The following RBFOX1 variants were observed in gnomAD, a reference collection of about 807,000 sequenced individuals.
RBFOX1 encodes the protein RNA binding protein fox-1 homolog 1.
A neutral mutation model predicts 57.7 loss-of-function variants in RBFOX1; 8 were observed. The ratio of observed to expected loss-of-function variants is 0.14; its 90% CI spans 0.08 to 0.25. RBFOX1 has a LOEUF of 0.25. Among genes scored for constraint, RBFOX1 ranks in the 10% least tolerant of loss-of-function variants. RBFOX1 has a pLI of 1.00. For synonymous variants in RBFOX1, 326 were observed against 222.4 expected (o/e 1.47, Z -4.15); for missense variants, 611 against 548.5 (o/e 1.11, Z -1.14).
At chr16:5,651,959 C>T (rs910357561) in intron 3 of RBFOX1, among the ~76,000 whole-genome samples, 3 of 152,026 alleles carry the variant, frequency 2.0e-5, no homozygotes, top group African/African-American at 7.2e-5. Flanking sequence ...ATGGAGAAAC[C>T]CCATTTCTAC....
At chr16:7,376,475 G>T (rs1325090658) in intron 4 of RBFOX1, among the ~76,000 whole-genome samples, 1 of 152,178 alleles carries the variant, frequency 6.6e-6, no homozygotes, top group African/African-American at 2.4e-5. Flanking sequence ...AAACATGCTG[G>T]GAGAAAGATT....
At chr16:6,797,765 T>C (rs984606940) in intron 3 of RBFOX1, among the ~76,000 whole-genome samples, 4 of 152,168 alleles carry the variant, frequency 2.6e-5, no homozygotes, top group African/African-American at 4.8e-5. Context: ...TACCTGGTTT[T>C]ATGATGTTTA....
rs1230940034 is a variant in RBFOX1, at chr16:6,193,363, T to C, written c.-126-123632T>C. Among the ~76,000 whole-genome samples the C allele has an allele frequency of 6.7e-5, 7 of 103,946 alleles. No homozygotes were observed. The South Asian group carries it at 2.3e-3, about 33-fold the overall frequency. The allele number at this position is 103,946 out of a possible 152,430, so 68.2% of individuals were successfully genotyped here. A position where few individuals can be genotyped will look rare whatever the true frequency, so the allele number is the denominator to read the frequency against. On this transcript the variant is annotated intron_variant, in intron 1 of 15. Coordinates refer to ENST00000550418, the MANE Select transcript of RBFOX1 (RefSeq NM_018723.4). ...TCTTTACATATATATACATTATATA[T>C]ATATATATATATACATTATATATAT... is the stretch of plus-strand genomic sequence containing the variant.
chr16:5,486,606 C>T (rs1336671808), intron 2 of RBFOX1, among the ~76,000 whole-genome samples: 1 of 152,160 alleles, frequency 6.6e-6, no homozygotes, highest in Non-Finnish European at 1.5e-5. Context: ...TGCACAGGGA[C>T]ATGCCAGAAC....
intron 3 of RBFOX1, among the ~76,000 whole-genome samples, chr16:5,818,686 G>C (rs1410856449): frequency 2.0e-5 from 3 of 152,228 alleles, no homozygotes; most frequent in Non-Finnish European, 4.4e-5. Flanking sequence ...AGAAAACAGA[G>C]AGTCTTGACC....
Position 7,276,085 on chromosome 16 carries a change from T to C in RBFOX1, c.27+223987T>C, listed in dbSNP as rs563304284. Among the ~76,000 whole-genome samples the C allele has an allele frequency of 1.2e-4, 18 of 152,354 alleles. No individual in the cohort carries two copies. The South Asian group carries it at 3.5e-3, about 30-fold the overall frequency. On this transcript the variant is annotated intron_variant, in intron 4 of 15. Coordinates refer to ENST00000550418, the MANE Select transcript of RBFOX1 (RefSeq NM_018723.4). ...AAAGAAACTCCTAAACATACCTCTTTGTCCATAAATGGAAACCAGACAAAT... is the reference window on the plus strand; with the variant it reads ...AAAGAAACTCCTAAACATACCTCTTCGTCCATAAATGGAAACCAGACAAAT...
intron 1 of RBFOX1, among the ~76,000 whole-genome samples, chr16:5,298,282 G>A (rs2063716712): frequency 6.6e-6 from 1 of 152,124 alleles, no homozygotes; most frequent in Non-Finnish European, 1.5e-5. Flanking sequence ...CAGTTGGTTT[G>A]TAAATTCTAT....
chr16:5,278,365 G>T (rs1168858723), intron 1 of RBFOX1, among the ~76,000 whole-genome samples: 4 of 152,100 alleles, frequency 2.6e-5, no homozygotes, highest in Non-Finnish European at 2.9e-5. Flanking sequence ...CATTTAATTA[G>T]ATCCCATTTG....
At chr16:6,783,235 T>G (rs1412562322) in intron 3 of RBFOX1, among the ~76,000 whole-genome samples, 1 of 151,976 alleles carries the variant, frequency 6.6e-6, no homozygotes, top group Admixed American at 6.6e-5. Context: ...TTACACTCAT[T>G]GTTATTATTG....
chr16:7,649,158 C>T (rs994144354), intron 11 of RBFOX1, among the ~76,000 whole-genome samples: 1 of 151,902 alleles, frequency 6.6e-6, no homozygotes, highest in African/African-American at 2.4e-5. Flanking sequence ...GTAGGATGTT[C>T]CCAAAAGTAA....
chr16:6,194,380 C>G (rs1240764423), intron 1 of RBFOX1, among the ~76,000 whole-genome samples: 1 of 152,138 alleles, frequency 6.6e-6, no homozygotes, highest in Non-Finnish European at 1.5e-5. Flanking sequence ...AAAATTTGGT[C>G]ATGCCTTTCC....
chr16:5,322,036 G>A (rs1299187167), intron 1 of RBFOX1, among the ~76,000 whole-genome samples: 2 of 152,276 alleles, frequency 1.3e-5, no homozygotes, highest in Non-Finnish European at 2.9e-5. Flanking sequence ...AGATGAAGAA[G>A]CTGAGGCTTA....
At chr16:6,884,079 G>C (rs1272201414) in intron 3 of RBFOX1, among the ~76,000 whole-genome samples, 1 of 152,150 alleles carries the variant, frequency 6.6e-6, no homozygotes, top group South Asian at 2.1e-4. Flanking sequence ...TGGCTGCTGT[G>C]TTATGCAAGC....
At chr16:6,938,063 C>G (rs1283334430) in intron 3 of RBFOX1, among the ~76,000 whole-genome samples, 2 of 151,816 alleles carry the variant, frequency 1.3e-5, no homozygotes, top group Non-Finnish European at 2.9e-5. Context: ...ATGGATATCC[C>G]TCAGTTTCTG....
At chr16:6,990,193 A>G (rs2153609330) in intron 3 of RBFOX1, among the ~76,000 whole-genome samples, 1 of 152,170 alleles carries the variant, frequency 6.6e-6, no homozygotes, top group Admixed American at 6.5e-5. Context: ...TGGAATGGCA[A>G]CTCTCAATTT....
chr16:6,443,871 C>CAT (rs1165959074), intron 2 of RBFOX1, among the ~76,000 whole-genome samples: 2,391 of 152,062 alleles, frequency 0.016, 71 homozygotes, highest in African/African-American at 0.052. Flanking sequence ...TCCATCCATC[C>CAT]CTCCATCCAT....
At chr16:6,118,101 G>A (rs8052357) in intron 1 of RBFOX1, among the ~76,000 whole-genome samples, 101,510 of 152,140 alleles carry the variant, frequency 0.67, 35,343 homozygotes, top group African/African-American at 0.87. Flanking sequence ...TCTTCTCTGA[G>A]TATTAACATT....
At chr16:7,329,744 C>A (rs1437578126) in intron 4 of RBFOX1, among the ~76,000 whole-genome samples, 2 of 152,104 alleles carry the variant, frequency 1.3e-5, no homozygotes, top group African/African-American at 4.8e-5. Flanking sequence ...TATTTTCACA[C>A]AAGATAAGGA....
chr16:5,621,560 G>A (rs1015728822), intron 3 of RBFOX1, among the ~76,000 whole-genome samples: 2 of 152,156 alleles, frequency 1.3e-5, no homozygotes, highest in African/African-American at 4.8e-5. Flanking sequence ...CATAGAAGGT[G>A]GGATGTAGGC....
Sources: gnomAD v4.1 joint callset for allele counts (sites outside exome capture counted in the v4.1 genomes callset) on GRCh38, gnomAD v4.1.1 for gene constraint, MANE v1.5 for transcripts, NCBI Gene and HGNC (gene_info 2026-07-23, HGNC 2026-07-21) for gene names.